Variants in ADARB2 observed in about 807,000 individuals in gnomAD.
The protein encoded by ADARB2 is inactive double-stranded RNA-specific editase B2.
ADARB2 carries 25 observed loss-of-function variants against 62.2 expected under a neutral mutation model. The ratio of observed to expected loss-of-function variants is 0.40; its 90% CI spans 0.29 to 0.56. The LOEUF (loss-of-function observed/expected upper bound fraction) is 0.56, where lower values mean the gene tolerates loss of function less well. Among genes scored for constraint, ADARB2 ranks in the 20% least tolerant of loss-of-function variants. ADARB2 has a pLI of 0.43. For missense variants in ADARB2, 1,071 were observed against 1,077.4 expected (o/e 0.99, Z 0.08); for synonymous variants, 572 against 500.8 (o/e 1.14, Z -1.90).
chr10:1,436,152 G>A (rs1299101984), intron 1 of ADARB2, among the ~76,000 whole-genome samples: 1 of 152,136 alleles, frequency 6.6e-6, no homozygotes, highest in Non-Finnish European at 1.5e-5. Flanking sequence ...TTGCATGTGC[G>A]TGTGTGCATG....
chr10:1,687,411 C>T (rs1484528642), intron 1 of ADARB2, among the ~76,000 whole-genome samples: 3 of 152,050 alleles, frequency 2.0e-5, no homozygotes, highest in Non-Finnish European at 4.4e-5. Context: ...TGAGTCATCT[C>T]GTAAATATGG....
chr10:1,337,462 G>T (rs144442479), intron 3 of ADARB2, among the ~76,000 whole-genome samples: 2 of 152,270 alleles, frequency 1.3e-5, no homozygotes, highest in Non-Finnish European at 2.9e-5. Context: ...CAAGAAATGA[G>T]CTGAAACATC....
chr10:1,287,874 C>T (rs140138832), intron 3 of ADARB2, among the ~76,000 whole-genome samples: 1 of 152,354 alleles, frequency 6.6e-6, no homozygotes, highest in East Asian at 1.9e-4. Context: ...TCTAAGCGTT[C>T]CTTCCTCTCT....
At chr10:1,405,845 T>G in intron 1 of ADARB2, among the ~76,000 whole-genome samples, 1 of 149,352 alleles carries the variant, frequency 6.7e-6, no homozygotes, top group East Asian at 2.0e-4. Flanking sequence ...TTATTAAACC[T>G]TCCGCCAAGA....
intron 1 of ADARB2, among the ~76,000 whole-genome samples, chr10:1,722,395 GT>G (rs1370165836): frequency 6.6e-6 from 1 of 152,194 alleles, no homozygotes; most frequent in Non-Finnish European, 1.5e-5. Context: ...CTCTGAATCA[GT>G]TAATCTAAGA....
chr10:1,594,562 AGT>A (rs1432390524), intron 1 of ADARB2, among the ~76,000 whole-genome samples: 1 of 152,116 alleles, frequency 6.6e-6, no homozygotes, highest in East Asian at 1.9e-4. Context: ...AATCTCTCTG[AGT>A]GGGCTGAGCA....
chr10:1,315,352 G>A (rs977413977), intron 3 of ADARB2, among the ~76,000 whole-genome samples: 13 of 152,184 alleles, frequency 8.5e-5, no homozygotes, highest in Admixed American at 3.3e-4. Flanking sequence ...ATTGCTGCTG[G>A]GGCACCCAGC....
chr10:1,634,667 C>T (rs566420709), intron 1 of ADARB2, among the ~76,000 whole-genome samples: 1 of 152,316 alleles, frequency 6.6e-6, no homozygotes, highest in Non-Finnish European at 1.5e-5. Context: ...GACCTCAAAA[C>T]TTTAGAAGCA....
intron 1 of ADARB2, among the ~76,000 whole-genome samples, chr10:1,473,520 C>T (rs1831355373): frequency 1.3e-5 from 2 of 152,148 alleles, no homozygotes; most frequent in Admixed American, 6.5e-5. Flanking sequence ...GCTGGGACTA[C>T]AGACGTGCCA....
Position 1,465,794 on chromosome 10 carries a change from C to T in ADARB2, c.101-86634G>A, listed in dbSNP as rs540269815. 1.3e-4 allele frequency among the ~76,000 whole-genome samples: 20 copies of T among 152,346 alleles called. No homozygotes were observed. In the South Asian group the frequency reaches 3.3e-3, roughly 25 times the overall value. On this transcript the variant is annotated intron_variant, in intron 1 of 9. Coordinates refer to ENST00000381312, the MANE Select transcript of ADARB2 (RefSeq NM_018702.4). ...CAGCAACACCTCTCCCACCCCCGCC[C>T]GAAGAGTGGTGTGGGGCCCCCAGAG...
intron 3 of ADARB2, among the ~76,000 whole-genome samples, chr10:1,274,343 T>A (rs1589173866): frequency 6.6e-6 from 1 of 152,236 alleles, no homozygotes; most frequent in East Asian, 1.9e-4. Flanking sequence ...TGGGTGTTAA[T>A]GTTGATTCAA....
chr10:1,493,510 T>C (rs72764925), intron 1 of ADARB2, among the ~76,000 whole-genome samples: 23,531 of 152,066 alleles, frequency 0.15, 2,213 homozygotes, highest in Middle Eastern at 0.23. Flanking sequence ...AACTAAGGAA[T>C]CAGAAAGTGC....
At chr10:1,404,476 G>C (rs529118880) in intron 1 of ADARB2, among the ~76,000 whole-genome samples, 337 of 152,304 alleles carry the variant, frequency 2.2e-3, no homozygotes, top group African/African-American at 7.3e-3. Context: ...TGATGAGTGC[G>C]CAAGAACCAG....
chr10:1,298,423 C>T (rs12261657), intron 3 of ADARB2, among the ~76,000 whole-genome samples: 3 of 152,128 alleles, frequency 2.0e-5, no homozygotes, highest in Non-Finnish European at 4.4e-5. Context: ...CAGATGTTGT[C>T]TATTGAAAGT....
intron 1 of ADARB2, among the ~76,000 whole-genome samples, chr10:1,735,141 C>T (rs901350207): frequency 3.9e-4 from 60 of 152,180 alleles, no homozygotes; most frequent in African/African-American, 1.2e-3. Flanking sequence ...GAAATCTCTT[C>T]GTAACAGAAA....
intron 1 of ADARB2, among the ~76,000 whole-genome samples, chr10:1,465,160 T>C (rs991120381): frequency 1.5e-4 from 23 of 152,170 alleles, no homozygotes; most frequent in African/African-American, 5.1e-4. Context: ...CGTTTATGTG[T>C]CCTTCTCAAA....
chr10:1,199,802 C>A (rs1836959763), intron 8 of ADARB2, 164 bp downstream of exon 8: 2 of 729,568 alleles, frequency 2.7e-6, no homozygotes, highest in Non-Finnish European at 4.3e-6. Flanking sequence ...GATGCTGAAA[C>A]CTTTCATTTT....
In ADARB2 at chr10:1,320,128, G is replaced by A. The variant is rs113129702; in HGVS notation, c.1077+42900C>T. 8.0e-3 allele frequency among the ~76,000 whole-genome samples: 1,212 copies of A among 152,216 alleles called. 24 individuals carry two copies. Among genetic ancestry groups the A allele is most frequent in the African/African-American group, 0.027 (1,110 of 41,522 alleles). On this transcript the variant is annotated intron_variant, in intron 3 of 9. Coordinates refer to ENST00000381312, the MANE Select transcript of ADARB2 (RefSeq NM_018702.4). ...TGCCTCCATCCTCAGACTCACAGTG[G>A]CCTCCAGCCGCCCAACCACTCCCAT...
intron 1 of ADARB2, among the ~76,000 whole-genome samples, chr10:1,651,924 C>G (rs1834116625): frequency 6.6e-6 from 1 of 152,098 alleles, no homozygotes; most frequent in Non-Finnish European, 1.5e-5. Flanking sequence ...GTCCAGCTTA[C>G]ACAAAGATCC....
Sources: gnomAD v4.1 joint callset for allele counts (sites outside exome capture counted in the v4.1 genomes callset) on GRCh38, gnomAD v4.1.1 for gene constraint, MANE v1.5 for transcripts, NCBI Gene and HGNC (gene_info 2026-07-23, HGNC 2026-07-21) for gene names.